KAT14: variants seen among roughly 807,000 people sequenced by gnomAD.
KAT14 encodes the protein cysteine-rich protein 2-binding protein.
A neutral mutation model predicts 78.4 loss-of-function variants in KAT14; 66 were observed. That is an observed-to-expected ratio of 0.84 (90% CI 0.69 to 1.03). The LOEUF (loss-of-function observed/expected upper bound fraction) is 1.03. Among genes scored for constraint, KAT14 ranks in the 50% least tolerant of loss-of-function variants. The pLI is 0.00. For missense variants in KAT14, 870 were observed against 972.5 expected (o/e 0.89, Z 1.40); for synonymous variants, 344 against 359.4 (o/e 0.96, Z 0.48).
intron 7 of KAT14, among the ~76,000 whole-genome samples, chr20:18,163,465 AT>A (rs2038521238): frequency 6.6e-6 from 1 of 152,224 alleles, no homozygotes; most frequent in African/African-American, 2.4e-5. Flanking sequence ...AACTACCTGT[AT>A]ATACTCTCCC....
chr20:18,138,354 T>TG (rs1342793152), intron 1 of KAT14: 7 of 1,086,018 alleles, frequency 6.4e-6, no homozygotes, highest in Non-Finnish European at 1.1e-6. Flanking sequence ...CGCAAGCTTT[T>TG]GGGGTGCCCA....
chr20:18,182,619 T>C (rs2039300318), intron 8 of KAT14, among the ~76,000 whole-genome samples: 1 of 152,218 alleles, frequency 6.6e-6, no homozygotes, highest in South Asian at 2.1e-4. Flanking sequence ...GCACTGTAAA[T>C]GAGAGCACAT....
At chr20:18,180,603 T>A (rs1342526472) in intron 7 of KAT14, among the ~76,000 whole-genome samples, 1 of 152,148 alleles carries the variant, frequency 6.6e-6, no homozygotes, top group African/African-American at 2.4e-5. Context: ...GATAAAGACA[T>A]ACCCAAGACT....
At chr20:18,167,631 T>A (rs571022231) in intron 7 of KAT14, among the ~76,000 whole-genome samples, 2 of 152,338 alleles carry the variant, frequency 1.3e-5, no homozygotes, top group Admixed American at 1.3e-4. Flanking sequence ...CATTTTGTTA[T>A]TTTTCTCATT....
At chr20:18,168,204 C>A (rs1165801761) in intron 7 of KAT14, among the ~76,000 whole-genome samples, 1 of 152,124 alleles carries the variant, frequency 6.6e-6, no homozygotes, top group African/African-American at 2.4e-5. Flanking sequence ...CATACAGTGT[C>A]ACTCCTGAGA....
At chr20:18,156,787 G>C (rs1286357707) in intron 4 of KAT14, among the ~76,000 whole-genome samples, 1 of 152,112 alleles carries the variant, frequency 6.6e-6, no homozygotes, top group Non-Finnish European at 1.5e-5. Context: ...CTGTGTCCAA[G>C]TTTCCCCTTT....
intron 4 of KAT14, among the ~76,000 whole-genome samples, chr20:18,151,332 G>A (rs954728039): frequency 6.6e-6 from 1 of 152,118 alleles, no homozygotes. Flanking sequence ...GAGTAGCTGG[G>A]ATTACAGGCA....
chr20:18,186,692 A>G (rs1478341035), intron 10 of KAT14, among the ~76,000 whole-genome samples: 5 of 152,362 alleles, frequency 3.3e-5, no homozygotes, highest in Non-Finnish European at 4.4e-5. Flanking sequence ...CCCTAAGATT[A>G]GGTCAAAGCT....
intron 4 of KAT14, among the ~76,000 whole-genome samples, chr20:18,157,356 C>CA: frequency 6.6e-6 from 1 of 152,196 alleles, no homozygotes; most frequent in East Asian, 1.9e-4. Context: ...GCTGGGACCA[C>CA]AGGCACGTGC....
chr20:18,157,110 A>G (rs1232001991), intron 4 of KAT14, among the ~76,000 whole-genome samples: 1 of 152,226 alleles, frequency 6.6e-6, no homozygotes, highest in East Asian at 1.9e-4. Context: ...CAGAAAGTAT[A>G]TGCCCATTTA....
In KAT14 at chr20:18,183,283, G is replaced by A. The variant is rs779996247; in HGVS notation, c.1966G>A (p.Glu656Lys). The change falls in exon 9 of 11, where the codon GAG (glutamate) becomes AAG (lysine). Residue 656 changes from glutamate to lysine, a missense_variant. Coordinates refer to ENST00000688188, the MANE Select transcript of KAT14 (RefSeq NM_001392073.1). ...CCCAACGATCAACTCCATGTGTCAG[G>A]AGTTTTTTTGGCCTGGTATGTTCCC... Reference protein sequence around the residue: ...HIPTINSMCQEFFWPGIDLSE... With the variant: ...HIPTINSMCQKFFWPGIDLSE... 1 of 1,613,624 alleles carries A rather than the reference G, an allele frequency of 6.2e-7. No homozygotes were observed. Among genetic ancestry groups the A allele is most frequent in the Non-Finnish European group, 8.5e-7 (1 of 1,179,774 alleles).
chr20:18,137,595 C>G (rs187354433), upstream of KAT14, among the ~76,000 whole-genome samples: 61 of 152,280 alleles, frequency 4.0e-4, no homozygotes, highest in African/African-American at 1.2e-3. Flanking sequence ...CAGACCCCGC[C>G]CGGGGTGAGG....
intron 4 of KAT14, among the ~76,000 whole-genome samples, chr20:18,153,774 C>G (rs2038131478): frequency 6.6e-6 from 1 of 152,142 alleles, no homozygotes; most frequent in Non-Finnish European, 1.5e-5. Context: ...CTATTTAAAT[C>G]AAGTCACCTG....
At chr20:18,177,315 C>G (rs2039084360) in intron 7 of KAT14, among the ~76,000 whole-genome samples, 1 of 152,118 alleles carries the variant, frequency 6.6e-6, no homozygotes, top group African/African-American at 2.4e-5. Context: ...TAGCTGGACT[C>G]CAAGAGGGAG....
upstream of KAT14, among the ~76,000 whole-genome samples, chr20:18,137,294 TATAATAATA>T (rs71194227): frequency 1.3e-5 from 2 of 150,192 alleles, no homozygotes; most frequent in Admixed American, 6.6e-5. Flanking sequence ...GTATCAAAAT[TATAATAATA>T]ATAATAATAA....
chr20:18,187,264 T>C (rs757817877), intron 10 of KAT14, 22 bp from the exon 11 acceptor site: 17 of 1,576,940 alleles, frequency 1.1e-5, no homozygotes, highest in Non-Finnish European at 1.5e-5. Context: ...TTTTATCTTG[T>C]ATTTTTCCAC....
At chr20:18,182,418 G>A (rs868832757) in intron 8 of KAT14, among the ~76,000 whole-genome samples, 1 of 152,126 alleles carries the variant, frequency 6.6e-6, no homozygotes. Flanking sequence ...CACTGGGGCC[G>A]GCCCTCATTA....
rs747217959 is a variant in KAT14, at chr20:18,142,903, A to G, written c.243A>G (p.Gln81=). ...TGTCCTACTTCTGTGACAAGTGCCA[A>G]AAATGGATACCAGCCAGTAAGGAGC... ...EQLSYFCDKC[Q]KWIPASQLRE... The change falls in exon 2 of 11, where the codon CAA becomes CAG. Residue 81 remains glutamine, a synonymous_variant. Coordinates refer to ENST00000688188, the MANE Select transcript of KAT14 (RefSeq NM_001392073.1). 2.5e-6 allele frequency: 4 copies of G among 1,614,024 alleles called. No individual in the cohort carries two copies. The highest frequency in any genetic ancestry group is 3.3e-5 in the Admixed American group (2 of 60,024).
chr20:18,171,043 A>G (rs1050706187), intron 7 of KAT14, among the ~76,000 whole-genome samples: 2 of 152,338 alleles, frequency 1.3e-5, no homozygotes, highest in Middle Eastern at 3.4e-3. Context: ...ATAGATAGTG[A>G]TTCCTCTGAT....
Sources: gnomAD v4.1 joint callset for allele counts (sites outside exome capture counted in the v4.1 genomes callset) on GRCh38, gnomAD v4.1.1 for gene constraint, MANE v1.5 for transcripts, NCBI Gene and HGNC (gene_info 2026-07-23, HGNC 2026-07-21) for gene names.